CADPS: variants seen among roughly 807,000 people sequenced by gnomAD.
The protein encoded by CADPS is calcium dependent secretion activator.
In CADPS, 57 loss-of-function variants were observed where a neutral mutation model predicts 167.3. That is an observed-to-expected ratio of 0.34 (90% CI 0.28 to 0.42). CADPS has a LOEUF of 0.42. Ranked by LOEUF, CADPS falls within the 20% of genes least tolerant of loss-of-function variation. The pLI is 1.00. For missense variants in CADPS, 1,414 were observed against 1,738.1 expected, an observed-to-expected ratio of 0.81 and a Z score of 3.32; for synonymous variants, 676 against 635.3, an observed-to-expected ratio of 1.06 and a Z score of -0.96.
chr3:62,457,029 G>C (rs890006229), intron 26 of CADPS, among the ~76,000 whole-genome samples: 1 of 152,098 alleles, frequency 6.6e-6, no homozygotes, highest in Non-Finnish European at 1.5e-5. Context: ...CTTCCAGACA[G>C]TAGAGTAAGA....
intron 1 of CADPS, among the ~76,000 whole-genome samples, chr3:62,803,752 G>A (rs141463870): frequency 2.0e-5 from 3 of 152,170 alleles, no homozygotes; most frequent in Non-Finnish European, 2.9e-5. Flanking sequence ...GTAAGTCACC[G>A]TGTAGCTTAA....
intron 2 of CADPS, among the ~76,000 whole-genome samples, chr3:62,758,168 C>T (rs149750871): frequency 1.5e-3 from 224 of 152,322 alleles, no homozygotes; most frequent in Middle Eastern, 0.014. Flanking sequence ...GACAAGTCAC[C>T]TAACCTCCAT....
intron 3 of CADPS, among the ~76,000 whole-genome samples, chr3:62,664,372 G>A (rs2074010501): frequency 6.6e-6 from 1 of 152,204 alleles, no homozygotes; most frequent in Non-Finnish European, 1.5e-5. Context: ...TAGAACATGA[G>A]TTGGAAACTC....
chr3:62,690,387 T>C (rs1260621412), intron 3 of CADPS, among the ~76,000 whole-genome samples: 2 of 152,062 alleles, frequency 1.3e-5, no homozygotes, highest in East Asian at 1.9e-4. Context: ...TGACTTTTCT[T>C]ATATCAAGTT....
chr3:62,646,143 T>A (rs909136658), intron 5 of CADPS, among the ~76,000 whole-genome samples: 4 of 151,352 alleles, frequency 2.6e-5, no homozygotes, highest in African/African-American at 9.7e-5. Flanking sequence ...GTTTTTCATT[T>A]CTACCAAGGA....
At chr3:62,697,018 A>C (rs1031317312) in intron 3 of CADPS, among the ~76,000 whole-genome samples, 2 of 152,116 alleles carry the variant, frequency 1.3e-5, no homozygotes, top group African/African-American at 4.8e-5. Context: ...AAGGCAGTCA[A>C]ATATATCCGC....
chr3:62,728,380 T>C (rs1237580658), intron 3 of CADPS, among the ~76,000 whole-genome samples: 1 of 151,718 alleles, frequency 6.6e-6, no homozygotes, highest in Non-Finnish European at 1.5e-5. Context: ...ATTAGGAAAA[T>C]TTTTTCTATA....
At chr3:62,445,734 ACC>A in intron 27 of CADPS, 29 bp downstream of exon 27, 2 of 1,430,704 alleles carry the variant, frequency 1.4e-6, no homozygotes, top group South Asian at 1.4e-5. Flanking sequence ...AAACAAAAAA[ACC>A]CCATGAGAAA....
intron 1 of CADPS, among the ~76,000 whole-genome samples, chr3:62,808,160 A>G (rs1259382866): frequency 6.6e-6 from 1 of 152,182 alleles, no homozygotes; most frequent in African/African-American, 2.4e-5. Flanking sequence ...GGTATGAGCC[A>G]CTGCACCCAG....
chr3:62,806,974 G>T (rs568893413), intron 1 of CADPS, among the ~76,000 whole-genome samples: 1 of 101,912 alleles, frequency 9.8e-6, no homozygotes, highest in Admixed American at 9.6e-5. Context: ...AAAAGAGATC[G>T]CTTTTTAAAA....
intron 8 of CADPS, among the ~76,000 whole-genome samples, chr3:62,582,337 T>G (rs1241746508): frequency 1.3e-5 from 2 of 152,098 alleles, no homozygotes; most frequent in African/African-American, 2.4e-5. Flanking sequence ...TCCCAGCTAC[T>G]TGGGAAGCTG....
intron 8 of CADPS, among the ~76,000 whole-genome samples, chr3:62,582,541 A>T (rs1312227105): frequency 3.3e-5 from 5 of 152,162 alleles, no homozygotes; most frequent in Admixed American, 3.3e-4. Flanking sequence ...GCTCAGTAAA[A>T]CTATTTTAAG....
At chr3:62,517,418 T>C (rs2069275908) in intron 14 of CADPS, among the ~76,000 whole-genome samples, 1 of 152,176 alleles carries the variant, frequency 6.6e-6, no homozygotes, top group Non-Finnish European at 1.5e-5. Flanking sequence ...TGTTCCTGGT[T>C]TAAATGGGGA....
chr3:62,590,521 T>A (rs1292786047), intron 7 of CADPS, among the ~76,000 whole-genome samples: 1 of 152,214 alleles, frequency 6.6e-6, no homozygotes, highest in Non-Finnish European at 1.5e-5. Context: ...GGGACACTGT[T>A]TTTTTGTTTT....
chr3:62,875,106 G>T lies in CADPS; in HGVS notation c.-77C>A. Reference sequence around the variant, plus strand: ...GGTGGGGGGCGCTGGAGGCAGCCGGGGATCAGCTCTCCCGGGTGGGCGCTT... The same window carrying T: ...GGTGGGGGGCGCTGGAGGCAGCCGGTGATCAGCTCTCCCGGGTGGGCGCTT... On this transcript the variant is annotated 5_prime_UTR_variant, in exon 1 of 30. Coordinates refer to ENST00000383710, the MANE Select transcript of CADPS (RefSeq NM_003716.4). The T allele has an allele frequency of 2.1e-6, 3 of 1,421,134 alleles. No homozygotes were observed. The highest frequency in any genetic ancestry group is 2.8e-6 in the Non-Finnish European group (3 of 1,074,670). 88.0% of individuals were successfully genotyped at this position (1,421,134 alleles called of 1,614,324 possible).
At chr3:62,751,937 C>T (rs1032321594) in intron 3 of CADPS, among the ~76,000 whole-genome samples, 11 of 152,112 alleles carry the variant, frequency 7.2e-5, no homozygotes, top group Non-Finnish European at 1.6e-4. Flanking sequence ...AATGGCATAA[C>T]AATGGATTCA....
At chr3:62,710,832 G>A (rs1282428714) in intron 3 of CADPS, among the ~76,000 whole-genome samples, 1 of 151,872 alleles carries the variant, frequency 6.6e-6, no homozygotes, top group Non-Finnish European at 1.5e-5. Context: ...AGAGCAAAGA[G>A]GAAATTAAAC....
chr3:62,550,517 C>T (rs761486244), intron 10 of CADPS, among the ~76,000 whole-genome samples: 27 of 152,160 alleles, frequency 1.8e-4, no homozygotes, highest in Non-Finnish European at 3.2e-4. Flanking sequence ...GAAATCTCTA[C>T]CAAGGCTTTT....
intron 17 of CADPS, among the ~76,000 whole-genome samples, chr3:62,506,548 G>A (rs574628499): frequency 2.2e-4 from 34 of 152,194 alleles, no homozygotes; most frequent in Non-Finnish European, 4.1e-4. Flanking sequence ...CTCGGGCTGA[G>A]CTGTTGCATA....
Sources: gnomAD v4.1 joint callset for allele counts (sites outside exome capture counted in the v4.1 genomes callset) on GRCh38, gnomAD v4.1.1 for gene constraint, MANE v1.5 for transcripts, NCBI Gene and HGNC (gene_info 2026-07-23, HGNC 2026-07-21) for gene names.